The following NTAN1 variants were observed in gnomAD, a reference collection of about 807,000 sequenced individuals.
The protein encoded by NTAN1 is N-terminal asparagine amidase, also known as protein N-terminal asparagine amidohydrolase.
NTAN1 carries 32 observed loss-of-function variants against 41.9 expected under a neutral mutation model. The ratio of observed to expected loss-of-function variants is 0.76; its 90% CI spans 0.58 to 1.03. The LOEUF is 1.03. Among genes scored for constraint, NTAN1 ranks in the 50% least tolerant of loss-of-function variants. The probability of loss-of-function intolerance (pLI) is 0.00; values close to 1 mark genes in which losing one functional copy is unlikely to be tolerated. For missense variants in NTAN1, 377 were observed against 377.5 expected (o/e 1.00, Z 0.01); for synonymous variants, 140 against 139.5 (o/e 1.00, Z -0.03).
At chr16:15,042,599 G>C (rs1023397638) in intron 5 of NTAN1, among the ~76,000 whole-genome samples, 1 of 152,116 alleles carries the variant, frequency 6.6e-6, no homozygotes. Context: ...GATGACACCA[G>C]ATTTCCTGTT....
chr16:15,040,146 A>T, intron 7 of NTAN1, 80 bp from the exon 8 acceptor site: 1 of 741,156 alleles, frequency 1.3e-6, no homozygotes, highest in East Asian at 2.7e-5. Flanking sequence ...TTCTACCACC[A>T]CTCCTAAGAG....
intron 7 of NTAN1, 154 bp from the exon 8 acceptor site, chr16:15,040,220 A>AGTCC: frequency 4.5e-6 from 2 of 447,988 alleles, no homozygotes; most frequent in South Asian, 5.2e-5. Flanking sequence ...TGGAGGGGGA[A>AGTCC]AATGCAACCT....
rs2043887933 is a variant in NTAN1 at position 15,042,927 on chromosome 16, T to G, written c.434-1251A>C. On this transcript the variant is annotated intron_variant, in intron 5 of 9. Transcript: ENST00000287706. ...TTTTTTTTTTTTTTTTGAGATGGAG[T>G]TTAGCTCTTGATGCCCATGCTGGAG... is the stretch of plus-strand genomic sequence containing the variant. Among the ~76,000 whole-genome samples, 5 of 136,774 alleles carry G rather than the reference T, an allele frequency of 3.7e-5. No homozygotes were observed. The South Asian group carries it at 1.2e-3, about 32-fold the overall frequency. The allele number at this position is 136,774 out of a possible 152,430, so 89.7% of individuals were successfully genotyped here. A position where few individuals can be genotyped will look rare whatever the true frequency, so the allele number is the denominator to read the frequency against.
At chr16:15,042,511 G>C (rs1266693631) in intron 5 of NTAN1, among the ~76,000 whole-genome samples, 1 of 152,002 alleles carries the variant, frequency 6.6e-6, no homozygotes, top group African/African-American at 2.4e-5. Context: ...ATCCTGATTT[G>C]CTTGTGCATA....
chr16:15,048,378 TTTTG>T lies in NTAN1; in HGVS notation c.82-283_82-280del, dbSNP rs745545400. On this transcript the variant is annotated intron_variant, in intron 1 of 9. Coordinates refer to ENST00000287706, the MANE Select transcript of NTAN1 (RefSeq NM_173474.4). ...GATGCAAAAATCCTTTATTATAGTTTTTTGTTTGTTTGTTTGTTTTTTAAAGACA... is the reference window on the plus strand; with the variant it reads ...GATGCAAAAATCCTTTATTATAGTTTTTTGTTTGTTTGTTTTTTAAAGACA... Among the ~76,000 whole-genome samples the T allele has an allele frequency of 1.1e-4, 17 of 152,236 alleles. No homozygotes were observed. In the East Asian group the frequency reaches 1.7e-3, roughly 16 times the overall value.
intron 4 of NTAN1, 141 bp from the exon 5 acceptor site, chr16:15,044,548 G>C (rs1400108677): frequency 7.6e-6 from 5 of 658,732 alleles, no homozygotes; most frequent in Admixed American, 7.3e-5. Flanking sequence ...CACCGCAAAA[G>C]AAAGTATCGG....
chr16:15,044,167 G>A (rs889362007), intron 5 of NTAN1, among the ~76,000 whole-genome samples, 167 bp downstream of exon 5: 4 of 152,084 alleles, frequency 2.6e-5, no homozygotes, highest in African/African-American at 9.7e-5. Flanking sequence ...TGAGCTCCAC[G>A]CATTCAGTCT....
intron 1 of NTAN1, chr16:15,055,596 G>A (rs1441082221): frequency 1.0e-5 from 3 of 290,464 alleles, no homozygotes; most frequent in Middle Eastern, 8.7e-4. Flanking sequence ...GTCGGGGAAT[G>A]GGGGTCCCGG....
At chr16:15,040,097 G>A (rs1342035201) in intron 7 of NTAN1, 31 bp from the exon 8 acceptor site, 6 of 1,247,048 alleles carry the variant, frequency 4.8e-6, no homozygotes, top group Non-Finnish European at 7.0e-6. Flanking sequence ...ACTCTGAATT[G>A]ACAAAAGACC....
Position 15,038,662 on chromosome 16 carries a change from GTC to G in NTAN1, c.663_664del (p.Glu221AspfsTer25). 6.3e-7 allele frequency: 1 copy of G among 1,593,628 alleles called. No homozygotes were observed. The highest frequency in any genetic ancestry group is 8.6e-7 in the Non-Finnish European group (1 of 1,163,908). ...GTACGGTCCTATACGAAGTTGTTCTGTCTCTGCATCATAAATGCTAATCATCT... is the reference window on the plus strand; with the variant it reads ...GTACGGTCCTATACGAAGTTGTTCTGTCTGCATCATAAATGCTAATCATCT... On this transcript the variant is annotated frameshift_variant, in exon 9 of 10. Transcript: ENST00000287706. LOFTEE classifies it high-confidence loss of function.
In NTAN1 at chr16:15,038,008, C is replaced by CTTTCTTTGGTAATTCATGTTT. The variant is rs769757905; in HGVS notation, c.*2_*22dup. The CTTTCTTTGGTAATTCATGTTT allele has an allele frequency of 1.2e-5, 19 of 1,592,456 alleles. No homozygotes were observed. In the South Asian group the frequency reaches 1.9e-4, roughly 16 times the overall value. ...AATGGTCTGTCAGGCCAAGAAGGTG[C>CTTTCTTTGGTAATTCATGTTT]TTTCTTTGGTAATTCATGTTTTTTA... On this transcript the variant is annotated 3_prime_UTR_variant, in exon 10 of 10. Transcript: ENST00000287706.
chr16:15,038,597 G>T lies in NTAN1; in HGVS notation c.730C>A (p.Gln244Lys). 1 of 1,598,044 alleles carries T rather than the reference G, an allele frequency of 6.3e-7. No homozygotes were observed. Among genetic ancestry groups the T allele is most frequent in the Non-Finnish European group, 8.6e-7 (1 of 1,165,732 alleles). ...PFPHVDFWLH[Q>K]DDKQILENLS... The stretch of plus-strand genomic sequence containing the variant: ...ACCTCTAGTATTTGCTTGTCATCTT[G>T]GTGCAACCAGAAATCCACATGTGGA... The change falls in exon 9 of 10, where the codon CAA becomes AAA. Residue 244 changes from glutamine to lysine, a missense_variant. Physicochemically the swap from Gln to Lys is moderately conservative, Grantham distance 53. Transcript: ENST00000287706.
In NTAN1 at chr16:15,047,550, C is replaced by G. The variant is rs779811012; in HGVS notation, c.251G>C (p.Gly84Ala). 6.2e-7 allele frequency: 1 copy of G among 1,608,820 alleles called. No homozygotes were observed. The highest frequency in any genetic ancestry group is 1.1e-5 in the South Asian group (1 of 91,000). Residue 84 changes from glycine to alanine, a missense_variant and splice_region_variant, in exon 4 of 10, where the codon GGT (glycine) becomes GCT (alanine). Transcript: ENST00000287706. The part of the protein sequence containing the change: ...TCHIVVLRHT[G>A]NGATCLTHCD... ...ATGTGTCAAGCAGGTGGCCCCATTA[C>G]CTGAAGAACAAGGGTGAAAGGACTC... is the stretch of plus-strand genomic sequence containing the variant.
chr16:15,037,970 T>G lies in NTAN1; in HGVS notation c.*61A>C, dbSNP rs1232689467. On this transcript the variant is annotated 3_prime_UTR_variant, in exon 10 of 10. Transcript: ENST00000287706. Reference sequence around the variant, plus strand: ...GATGTAGGATCCAGATCTGGATTCGTGCCAGCCCCACCAATGGTCTGTCAG... The same window carrying G: ...GATGTAGGATCCAGATCTGGATTCGGGCCAGCCCCACCAATGGTCTGTCAG... 2 of 1,290,532 alleles carry G rather than the reference T, an allele frequency of 1.5e-6. No individual in the cohort carries two copies. Among genetic ancestry groups the G allele is most frequent in the African/African-American group, 2.9e-5 (2 of 68,180 alleles). The allele number at this position is 1,290,532 out of a possible 1,614,324, so 79.9% of individuals were successfully genotyped here.
chr16:15,050,350 C>A (rs2044246683), intron 1 of NTAN1, among the ~76,000 whole-genome samples: 2 of 152,208 alleles, frequency 1.3e-5, no homozygotes, highest in Admixed American at 6.5e-5. Flanking sequence ...ATTGCCTACA[C>A]AGGAAGACAG....
At chr16:15,050,012 A>T (rs189984782) in intron 1 of NTAN1, among the ~76,000 whole-genome samples, 2 of 152,292 alleles carry the variant, frequency 1.3e-5, no homozygotes, top group Admixed American at 6.5e-5. Flanking sequence ...AAAAAAGCAA[A>T]CATGAGTGAT....
At chr16:15,042,761 C>G (rs1262442629) in intron 5 of NTAN1, among the ~76,000 whole-genome samples, 1 of 106,886 alleles carries the variant, frequency 9.4e-6, no homozygotes, top group Non-Finnish European at 2.1e-5. Context: ...GAGACGAAGT[C>G]TCGCTCTGTC....
At chr16:15,048,943 G>C (rs1243563690) in intron 1 of NTAN1, among the ~76,000 whole-genome samples, 3 of 148,252 alleles carry the variant, frequency 2.0e-5, no homozygotes, top group Non-Finnish European at 4.5e-5. Context: ...ACTTTTTGTA[G>C]AGATGAGGCC....
intron 4 of NTAN1, chr16:15,044,936 C>T (rs1567762106): frequency 6.6e-6 from 1 of 152,484 alleles, no homozygotes; most frequent in Non-Finnish European, 1.5e-5. Context: ...GCCTGGGCAA[C>T]AAGGTAAAAC....
Sources: gnomAD v4.1 joint callset for allele counts (sites outside exome capture counted in the v4.1 genomes callset) on GRCh38, gnomAD v4.1.1 for gene constraint, MANE v1.5 for transcripts, NCBI Gene and HGNC (gene_info 2026-07-23, HGNC 2026-07-21) for gene names.